LRRC7: variants seen among roughly 807,000 people sequenced by gnomAD.
LRRC7 encodes the protein leucine-rich repeat-containing protein 7.
A neutral mutation model predicts 175.7 loss-of-function variants in LRRC7; 23 were observed. That is an observed-to-expected ratio of 0.13 (90% confidence interval 0.09 to 0.19). The LOEUF (loss-of-function observed/expected upper bound fraction) is 0.19, where lower values mean the gene tolerates loss of function less well. Among genes scored for constraint, LRRC7 ranks in the 10% least tolerant of loss-of-function variants. LRRC7 has a pLI of 1.00. For synonymous variants in LRRC7, 685 were observed against 680.9 expected, an observed-to-expected ratio of 1.01 and a Z score of -0.09; for missense variants, 1,354 against 1,904.7, an observed-to-expected ratio of 0.71 and a Z score of 5.38.
Position 69,865,715 on chromosome 1 carries a change from C to T in LRRC7, c.647+27432C>T, listed in dbSNP as rs1383814401. Among the ~76,000 whole-genome samples, 4 of 151,946 alleles carry T rather than the reference C, an allele frequency of 2.6e-5. 1 individual carries two copies. The South Asian group carries it at 8.3e-4, about 32-fold the overall frequency. On this transcript the variant is annotated intron_variant, in intron 7 of 26. Coordinates refer to ENST00000651989, the MANE Select transcript of LRRC7 (RefSeq NM_001370785.2). ...CAGGATAGTCTTGATCTCCTGACCT[C>T]GTGATCTGCCCGCCTCAGCCTCCCA... is the stretch of plus-strand genomic sequence containing the variant.
chr1:70,117,627 A>T (rs944420991), intron 26 of LRRC7, among the ~76,000 whole-genome samples: 8 of 152,218 alleles, frequency 5.3e-5, no homozygotes, highest in African/African-American at 1.7e-4. Context: ...TGATTATAGT[A>T]AAATGTTCCT....
Position 70,038,584 on chromosome 1 carries a change from T to C in LRRC7, c.2760T>C (p.Thr920=). 6.2e-7 allele frequency: 1 copy of C among 1,614,134 alleles called. No homozygotes were observed. Among genetic ancestry groups the C allele is most frequent in the South Asian group, 1.1e-5 (1 of 91,080 alleles). ...GGAAAGAACATATAAAGGAATCTACTGAAATACCTAGTCCTTTTTCTCCAG... is the reference window on the plus strand; with the variant it reads ...GGAAAGAACATATAAAGGAATCTACCGAAATACCTAGTCCTTTTTCTCCAG... ...PERKEHIKES[T]EIPSPFSPGV... is the part of the protein sequence containing the mutation. The change falls in exon 21 of 27, where the codon ACT becomes ACC. Residue 920 remains threonine (T), a synonymous_variant. Transcript: ENST00000651989.
intron 8 of LRRC7, among the ~76,000 whole-genome samples, chr1:69,940,624 C>G (rs1648609182): frequency 6.6e-6 from 1 of 151,716 alleles, no homozygotes; most frequent in African/African-American, 2.4e-5. Flanking sequence ...AGAATCTCCC[C>G]CTGCAAAAAT....
intron 7 of LRRC7, among the ~76,000 whole-genome samples, chr1:69,890,374 A>G (rs544503046): frequency 6.6e-6 from 1 of 152,318 alleles, no homozygotes; most frequent in East Asian, 1.9e-4. Flanking sequence ...TTTTGAAAGG[A>G]ATCTTTGTTT....
chr1:69,616,192 TA>T (rs1270292665), intron 1 of LRRC7, among the ~76,000 whole-genome samples: 1 of 152,058 alleles, frequency 6.6e-6, no homozygotes, highest in African/African-American at 2.4e-5. Flanking sequence ...GTTGTAATCA[TA>T]ACGCAGTAAA....
Position 69,909,658 on chromosome 1 carries a change from T to G in LRRC7, c.648-21849T>G, listed in dbSNP as rs575113230. ...GAGATCCGCTGTTAGTCTGATGGGC[T>G]TCCCTTTGAGGGTAACCCGACCTTT... On this transcript the variant is annotated intron_variant, in intron 7 of 26. Transcript: ENST00000651989. 2.6e-3 allele frequency among the ~76,000 whole-genome samples: 394 copies of G among 152,310 alleles called. 2 individuals carry two copies. Among genetic ancestry groups the G allele is most frequent in the African/African-American group, 9.3e-3 (385 of 41,568 alleles).
chr1:69,896,587 A>G (rs1645985942), intron 7 of LRRC7, among the ~76,000 whole-genome samples: 1 of 152,164 alleles, frequency 6.6e-6, no homozygotes, highest in South Asian at 2.1e-4. Flanking sequence ...ATGATTCTCT[A>G]TACAGTGCCT....
chr1:70,038,133 A>G lies in LRRC7; in HGVS notation c.2309A>G (p.Gln770Arg). 3 of 1,610,528 alleles carry G rather than the reference A, an allele frequency of 1.9e-6. No individual in the cohort carries two copies. The highest frequency in any genetic ancestry group is 2.5e-6 in the Non-Finnish European group (3 of 1,178,302). Residue 770 changes from glutamine to arginine, a missense_variant, in exon 21 of 27, where the codon CAG (glutamine) becomes CGG (arginine). Gln to Arg is a conservative substitution (Grantham distance 43). This residue lies in a region of LRRC7 where 1,032 missense variants were observed against 1,227.2 expected (regional missense o/e 0.84). Coordinates refer to ENST00000651989, the MANE Select transcript of LRRC7 (RefSeq NM_001370785.2). The stretch of plus-strand genomic sequence containing the variant: ...CACAGGATTGCACCATCTTTCCCAC[A>G]GCCTCTTGATTCAAAGCCATTACTC... ...WGNRIAPSFPQPLDSKPLLSQ... is the reference protein window; with the variant it reads ...WGNRIAPSFPRPLDSKPLLSQ...
At chr1:69,918,523 A>G (rs1020393976) in intron 7 of LRRC7, among the ~76,000 whole-genome samples, 5 of 152,214 alleles carry the variant, frequency 3.3e-5, no homozygotes, top group African/African-American at 1.2e-4. Flanking sequence ...TAGTTTAGCA[A>G]CTGGCACACG....
intron 25 of LRRC7, among the ~76,000 whole-genome samples, chr1:70,099,541 T>G (rs1470053981): frequency 6.6e-6 from 1 of 152,104 alleles, no homozygotes; most frequent in Non-Finnish European, 1.5e-5. Flanking sequence ...TGTCCCTGTT[T>G]GCAGATGACA....
chr1:69,767,934 G>A (rs1434700427), intron 3 of LRRC7, among the ~76,000 whole-genome samples: 1 of 152,016 alleles, frequency 6.6e-6, no homozygotes, highest in Non-Finnish European at 1.5e-5. Context: ...CTTGCCCTAG[G>A]TGAGGGAAAA....
chr1:69,996,409 C>T (rs1220556310), intron 11 of LRRC7, among the ~76,000 whole-genome samples: 1 of 151,908 alleles, frequency 6.6e-6, no homozygotes, highest in Non-Finnish European at 1.5e-5. Context: ...TTAATTAGAT[C>T]CCATTTGTCA....
At chr1:69,640,151 G>A (rs13375651) in intron 1 of LRRC7, among the ~76,000 whole-genome samples, 2,527 of 151,732 alleles carry the variant, frequency 0.017, 65 homozygotes, top group African/African-American at 0.058. Context: ...AAACATTCTA[G>A]CATTTTACTG....
chr1:69,633,590 A>G (rs534983845), intron 1 of LRRC7, among the ~76,000 whole-genome samples: 87 of 151,992 alleles, frequency 5.7e-4, no homozygotes, highest in African/African-American at 2.0e-3. Context: ...CACCATATCC[A>G]GCTAATTTTT....
intron 10 of LRRC7, among the ~76,000 whole-genome samples, chr1:69,992,458 A>G (rs12026220): frequency 0.047 from 7,086 of 152,166 alleles, 170 homozygotes; most frequent in South Asian, 0.1. Context: ...TACTCTAGAG[A>G]AAAGAGTCTA....
At chr1:69,886,950 C>G (rs1478089682) in intron 7 of LRRC7, among the ~76,000 whole-genome samples, 2 of 152,050 alleles carry the variant, frequency 1.3e-5, no homozygotes, top group African/African-American at 2.4e-5. Context: ...TTGGCCCCCA[C>G]TCCCTTGTGG....
chr1:69,646,880 T>C (rs1216318880), intron 1 of LRRC7, among the ~76,000 whole-genome samples: 1 of 152,104 alleles, frequency 6.6e-6, no homozygotes, highest in Non-Finnish European at 1.5e-5. Context: ...GAGGTTTCAC[T>C]GGCTATTCAG....
At chr1:69,993,491 C>T (rs1354843402) in intron 10 of LRRC7, among the ~76,000 whole-genome samples, 1 of 152,134 alleles carries the variant, frequency 6.6e-6, no homozygotes, top group Non-Finnish European at 1.5e-5. Context: ...TTTCTCAAAA[C>T]ATGTTCACAA....
intron 1 of LRRC7, among the ~76,000 whole-genome samples, chr1:69,617,547 T>TA (rs11473590): frequency 0.13 from 7,976 of 61,928 alleles, 981 homozygotes; most frequent in East Asian, 0.37. Context: ...ATACTCACAG[T>TA]AAAAAAAAAA....
Sources: allele counts gnomAD v4.1 joint callset (sites outside exome capture counted in the v4.1 genomes callset), GRCh38; gene constraint gnomAD v4.1.1; regional missense constraint gnomAD v4.1.1; transcripts MANE v1.5; gene names NCBI Gene and HGNC (gene_info 2026-07-23, HGNC 2026-07-21).